LAMA2: variants seen among roughly 807,000 people sequenced by gnomAD.
LAMA2 encodes the protein laminin subunit alpha 2, also known as laminin subunit alpha-2.
LAMA2 carries 269 observed loss-of-function variants against 364.8 expected under a neutral mutation model. The observed-to-expected ratio is 0.74, with a 90% CI of 0.67 to 0.82. The LOEUF is 0.82. LAMA2 is among the 40% of genes least tolerant of loss of function. LAMA2 has a pLI of 0.00. For synonymous variants in LAMA2, 1,379 were observed against 1,370.6 expected (o/e 1.01, Z -0.14); for missense variants, 3,807 against 3,873.2 (o/e 0.98, Z 0.45).
intron 50 of LAMA2, among the ~76,000 whole-genome samples, chr6:129,464,746 AAAATGCTTCCTT>A (rs1464390266): frequency 6.6e-6 from 1 of 152,016 alleles, no homozygotes; most frequent in Non-Finnish European, 1.5e-5. Flanking sequence ...ATACAGCAGC[AAAATGCTTCCTT>A]AATCTTCTTT....
rs59031722 is a variant in LAMA2, at chr6:129,480,966, AAC to A, written c.7573-295_7573-294del. On this transcript the variant is annotated intron_variant, in intron 54 of 64. Transcript: ENST00000421865. ...TTAAATCTTTGGTTTAAACAACAAC[AAC>A]AAAAAAAGGTACCTAACAGTGATAA... Among the ~76,000 whole-genome samples, 52,198 of 151,924 alleles carry A rather than the reference AAC, an allele frequency of 0.34. 10,093 individuals carry two copies. Among genetic ancestry groups the A allele is most frequent in the African/African-American group, 0.54 (22,180 of 41,368 alleles).
intron 1 of LAMA2, among the ~76,000 whole-genome samples, chr6:128,919,954 T>C (rs1323437263): frequency 6.6e-6 from 1 of 152,176 alleles, no homozygotes; most frequent in Non-Finnish European, 1.5e-5. Context: ...TACCTCATGC[T>C]CTGCCCTGTG....
chr6:129,035,296 CTTTTCT>C (rs1474292250), intron 1 of LAMA2, among the ~76,000 whole-genome samples: 4 of 142,140 alleles, frequency 2.8e-5, no homozygotes, highest in African/African-American at 7.9e-5. Context: ...CTTTTCTTTT[CTTTTCT>C]TTTTTTTTTT....
chr6:129,387,896 A>G (rs1031434415), intron 35 of LAMA2, among the ~76,000 whole-genome samples: 2 of 152,108 alleles, frequency 1.3e-5, no homozygotes, highest in African/African-American at 4.8e-5. Flanking sequence ...ACTGGAGTCT[A>G]TTGGGGGTTG....
chr6:129,035,901 G>A (rs1786608439), intron 1 of LAMA2, among the ~76,000 whole-genome samples: 1 of 151,936 alleles, frequency 6.6e-6, no homozygotes, highest in Non-Finnish European at 1.5e-5. Context: ...AGAGCATAGT[G>A]TGAAGTCAGG....
At chr6:129,237,897 G>A (rs1375701639) in intron 12 of LAMA2, among the ~76,000 whole-genome samples, 3 of 151,488 alleles carry the variant, frequency 2.0e-5, no homozygotes, top group South Asian at 2.1e-4. Flanking sequence ...GGTGGCTCAC[G>A]CCTGTAATCT....
At chr6:129,380,042 T>C (rs1264722121) in intron 34 of LAMA2, among the ~76,000 whole-genome samples, 1 of 152,176 alleles carries the variant, frequency 6.6e-6, no homozygotes, top group Non-Finnish European at 1.5e-5. Flanking sequence ...CTAATCTATC[T>C]ATCTAATGGA....
At chr6:129,466,286 A>G (rs1171856511) in intron 51 of LAMA2, among the ~76,000 whole-genome samples, 1 of 151,934 alleles carries the variant, frequency 6.6e-6, no homozygotes, top group Non-Finnish European at 1.5e-5. Context: ...CCAGCGAGCA[A>G]TCTCAGAAGA....
intron 1 of LAMA2, among the ~76,000 whole-genome samples, chr6:129,035,671 A>C (rs1231387040): frequency 2.0e-5 from 3 of 151,560 alleles, no homozygotes; most frequent in Admixed American, 2.0e-4. Flanking sequence ...ATCTTGAGTT[A>C]ATTTTTGTAT....
chr6:129,449,523 T>A (rs1228216519), intron 45 of LAMA2, among the ~76,000 whole-genome samples: 1 of 152,048 alleles, frequency 6.6e-6, no homozygotes, highest in Non-Finnish European at 1.5e-5. Flanking sequence ...AAGGCCCCCC[T>A]CCCAACACTG....
chr6:129,129,446 A>G (rs1018825987), intron 4 of LAMA2, among the ~76,000 whole-genome samples: 12 of 152,190 alleles, frequency 7.9e-5, no homozygotes, highest in African/African-American at 2.9e-4. Context: ...GATTGTACAC[A>G]TTGAGGATGA....
intron 41 of LAMA2, among the ~76,000 whole-genome samples, chr6:129,428,408 TG>T (rs1483763726): frequency 2.6e-5 from 4 of 152,244 alleles, no homozygotes; most frequent in African/African-American, 9.6e-5. Context: ...TACACCAGCC[TG>T]GGTAACAGAG....
chr6:128,886,295 T>TA (rs556222445), intron 1 of LAMA2, among the ~76,000 whole-genome samples: 35 of 146,682 alleles, frequency 2.4e-4, no homozygotes, highest in Middle Eastern at 3.5e-3. Context: ...ATCCACATGT[T>TA]AAAAAAAAAA....
intron 7 of LAMA2, among the ~76,000 whole-genome samples, chr6:129,151,560 G>A (rs747884140): frequency 7.9e-5 from 12 of 152,058 alleles, no homozygotes; most frequent in East Asian, 3.9e-4. Context: ...GATACTACCC[G>A]AGACTGGGTA....
chr6:129,497,513 G>C (rs1583892037), intron 58 of LAMA2, among the ~76,000 whole-genome samples: 1 of 152,192 alleles, frequency 6.6e-6, no homozygotes, highest in Non-Finnish European at 1.5e-5. Flanking sequence ...GAGATTACAG[G>C]CATAAGCCAC....
rs1205305303 is a variant in LAMA2, at chr6:129,165,519, GA to G, written c.1207-52del. 9.2e-6 allele frequency: 11 copies of G among 1,199,090 alleles called. No homozygotes were observed. The Admixed American group carries it at 2.1e-4, about 23-fold the overall frequency. The allele number at this position is 1,199,090 out of a possible 1,614,324, so 74.3% of individuals were successfully genotyped here. ...TTTGTCTATAAAAGTTTGCTGAAGT[GA>G]AAAATATTGCTGTTTCTATTACACT... is the stretch of plus-strand genomic sequence containing the variant. On this transcript the variant is annotated intron_variant, in intron 8 of 64. Transcript: ENST00000421865.
At chr6:128,919,368 T>C (rs1015609047) in intron 1 of LAMA2, among the ~76,000 whole-genome samples, 1 of 152,224 alleles carries the variant, frequency 6.6e-6, no homozygotes, top group African/African-American at 2.4e-5. Context: ...CTATTCTCAC[T>C]AGTCATCAAC....
chr6:129,145,062 A>G (rs894998490), intron 5 of LAMA2, among the ~76,000 whole-genome samples: 1 of 152,040 alleles, frequency 6.6e-6, no homozygotes, highest in Admixed American at 6.6e-5. Context: ...TGAATAGAGT[A>G]TCTACTGTAT....
intron 17 of LAMA2, among the ~76,000 whole-genome samples, chr6:129,277,352 T>C (rs1788401213): frequency 6.6e-6 from 1 of 152,204 alleles, no homozygotes; most frequent in African/African-American, 2.4e-5. Flanking sequence ...TTATTGTGCA[T>C]GTTTATTTCT....
Sources: allele counts gnomAD v4.1 joint callset (sites outside exome capture counted in the v4.1 genomes callset), GRCh38; gene constraint gnomAD v4.1.1; transcripts MANE v1.5; gene names NCBI Gene and HGNC (gene_info 2026-07-23, HGNC 2026-07-21).